Variants in MDGA2 observed in about 807,000 individuals in gnomAD.
MDGA2 encodes MAM domain containing glycosylphosphatidylinositol anchor 2.
Under a neutral mutation model 117.8 loss-of-function variants are expected in MDGA2, and 40 were observed. The ratio of observed to expected loss-of-function variants is 0.34; its 90% confidence interval spans 0.26 to 0.44. The LOEUF is 0.44. MDGA2 is among the 20% of genes least tolerant of loss of function. The pLI, the probability that MDGA2 is intolerant of heterozygous loss-of-function variation, is 1.00. For missense variants in MDGA2, 1,123 were observed against 1,250.6 expected, an observed-to-expected ratio of 0.90 and a Z score of 1.54; for synonymous variants, 452 against 439.0, an observed-to-expected ratio of 1.03 and a Z score of -0.37.
At chr14:46,877,100 C>G (rs1277090937) in intron 12 of MDGA2, among the ~76,000 whole-genome samples, 1 of 151,320 alleles carries the variant, frequency 6.6e-6, no homozygotes. Context: ...TTCTAAGTAA[C>G]CATACTCTTT....
chr14:47,242,870 C>G (rs1403728955), intron 2 of MDGA2, among the ~76,000 whole-genome samples: 1 of 151,778 alleles, frequency 6.6e-6, no homozygotes. Context: ...CCTGCAGCCC[C>G]GGTGTGGGAT....
In MDGA2 at chr14:47,035,295, T is replaced by C. The variant is rs202074840; in HGVS notation, c.1535A>G (p.Asn512Ser). The C allele has an allele frequency of 2.5e-6, 4 of 1,611,042 alleles. No individual in the cohort carries two copies. Among genetic ancestry groups the C allele is most frequent in the Admixed American group, 1.7e-5 (1 of 59,632 alleles). The change falls in exon 8 of 17, where the codon AAT becomes AGT. Residue 512 changes from asparagine to serine, a missense_variant. Asn to Ser is a conservative substitution (Grantham distance 46, BLOSUM62 1). Coordinates refer to ENST00000399232, the MANE Select transcript of MDGA2 (RefSeq NM_001113498.3). ...VNISSSTVPP[N>S]LTVPQEKSPL... ...TGATTTTTCCTGTGGAACAGTCAGA[T>C]TGGGTGGAACTTGAAATGGGAAAAA...
chr14:47,583,047 A>T (rs1467574144), intron 1 of MDGA2, among the ~76,000 whole-genome samples: 2 of 151,866 alleles, frequency 1.3e-5, no homozygotes, highest in Admixed American at 1.3e-4. Context: ...TATGATTTTG[A>T]TTCATAACTC....
At chr14:47,083,981 T>C (rs1890800949) in intron 6 of MDGA2, among the ~76,000 whole-genome samples, 1 of 152,140 alleles carries the variant, frequency 6.6e-6, no homozygotes, top group Admixed American at 6.6e-5. Flanking sequence ...CAATTATACT[T>C]GGAGACTTTG....
In MDGA2 at chr14:47,006,474, C is replaced by A. The variant is rs546040044; in HGVS notation, c.1819+28537G>T. On this transcript the variant is annotated intron_variant, in intron 8 of 16. Transcript: ENST00000399232. The stretch of plus-strand genomic sequence containing the variant: ...TATAATTTTAAAATATATAAAATAT[C>A]ATTAATAACATAAAGAGTGAACAGA... Among the ~76,000 whole-genome samples, 263 of 147,756 alleles carry A rather than the reference C, an allele frequency of 1.8e-3. 3 individuals are homozygous for A. The highest frequency in any genetic ancestry group is 6.2e-3 in the African/African-American group (251 of 40,770).
chr14:47,128,618 C>T (rs1882025283), intron 5 of MDGA2, among the ~76,000 whole-genome samples: 1 of 151,570 alleles, frequency 6.6e-6, no homozygotes, highest in African/African-American at 2.4e-5. Context: ...TTTTTTAAGT[C>T]AGATGAGATT....
chr14:47,380,537 A>C (rs1003724458), intron 1 of MDGA2, among the ~76,000 whole-genome samples: 2 of 152,102 alleles, frequency 1.3e-5, no homozygotes, highest in Non-Finnish European at 2.9e-5. Context: ...AGGGGATATC[A>C]CCACCGATCC....
In MDGA2 at chr14:46,841,604, G is replaced by A. The variant is rs182431647; in HGVS notation, c.*327C>T. ...TTGTGCTTTGACAAGGATTTCTATA[G>A]CTCTTTTTTTTTTCTTTTTTTCATT... On this transcript the variant is annotated 3_prime_UTR_variant, in exon 17 of 17. Transcript: ENST00000399232. 1.5e-3 allele frequency: 211 copies of A among 142,150 alleles called. 2 individuals are homozygous for A. In the East Asian group the frequency reaches 0.018, roughly 12 times the overall value. The allele number at this position is 142,150 out of a possible 1,614,324, so 8.8% of individuals were successfully genotyped here. A position where few individuals can be genotyped will look rare whatever the true frequency, so the allele number is the denominator to read the frequency against.
chr14:47,073,793 G>A (rs8012618), intron 6 of MDGA2, among the ~76,000 whole-genome samples: 11,212 of 152,168 alleles, frequency 0.074, 605 homozygotes, highest in East Asian at 0.31. Flanking sequence ...ATAGGAATTC[G>A]TACTGTGCCA....
At chr14:47,335,745 T>TATATATATATACATACATACATAC in intron 1 of MDGA2, among the ~76,000 whole-genome samples, 1 of 95,558 alleles carries the variant, frequency 1.0e-5, no homozygotes, top group Non-Finnish European at 2.2e-5. Context: ...TATATATATA[T>TATATATATATACATACATACATAC]ATACATACAT....
At chr14:47,096,130 C>A (rs945682621) in intron 6 of MDGA2, among the ~76,000 whole-genome samples, 2 of 152,018 alleles carry the variant, frequency 1.3e-5, no homozygotes, top group Admixed American at 6.6e-5. Flanking sequence ...GCTACTTTGA[C>A]TTAGTGACTT....
chr14:47,017,221 T>C (rs1269965945), intron 8 of MDGA2, among the ~76,000 whole-genome samples: 1 of 151,298 alleles, frequency 6.6e-6, no homozygotes, highest in Non-Finnish European at 1.5e-5. Flanking sequence ...GGTTTTATTT[T>C]AGATCTAGAA....
At chr14:46,901,684 A>C (rs1041751023) in intron 10 of MDGA2, among the ~76,000 whole-genome samples, 2 of 152,194 alleles carry the variant, frequency 1.3e-5, no homozygotes, top group Non-Finnish European at 2.9e-5. Flanking sequence ...ATTAACCTGT[A>C]ATGCTCTCCA....
At chr14:47,512,187 G>A (rs943370242) in intron 1 of MDGA2, among the ~76,000 whole-genome samples, 11 of 152,134 alleles carry the variant, frequency 7.2e-5, no homozygotes, top group Admixed American at 5.9e-4. Context: ...TGGCATATGT[G>A]GACACATAAA....
intron 1 of MDGA2, among the ~76,000 whole-genome samples, chr14:47,557,552 G>A (rs1321030805): frequency 6.6e-6 from 1 of 152,146 alleles, no homozygotes; most frequent in African/African-American, 2.4e-5. Flanking sequence ...CATCTGGTAG[G>A]AAAGGGAGGG....
At chr14:47,532,486 A>T (rs1248374437) in intron 1 of MDGA2, among the ~76,000 whole-genome samples, 1 of 152,176 alleles carries the variant, frequency 6.6e-6, no homozygotes, top group Non-Finnish European at 1.5e-5. Flanking sequence ...ATAGTTACCC[A>T]TAGGGCCATA....
At chr14:47,187,908 T>C (rs899751663) in intron 3 of MDGA2, among the ~76,000 whole-genome samples, 4 of 151,458 alleles carry the variant, frequency 2.6e-5, no homozygotes, top group African/African-American at 7.3e-5. Context: ...GTTTTATTAT[T>C]AAAGTAGGTT....
At chr14:47,532,548 T>C (rs547030502) in intron 1 of MDGA2, among the ~76,000 whole-genome samples, 24 of 152,310 alleles carry the variant, frequency 1.6e-4, no homozygotes, top group South Asian at 4.1e-4. Context: ...CAGGGACCAA[T>C]AGAGCAAATC....
chr14:47,627,252 C>A (rs1215599819), intron 1 of MDGA2, among the ~76,000 whole-genome samples: 1 of 151,282 alleles, frequency 6.6e-6, no homozygotes, highest in African/African-American at 2.4e-5. Flanking sequence ...TCTAGTTAAT[C>A]TGGTGGGGAC....
Sources: allele counts gnomAD v4.1 joint callset (sites outside exome capture counted in the v4.1 genomes callset), GRCh38; gene constraint gnomAD v4.1.1; transcripts MANE v1.5; gene names NCBI Gene and HGNC (gene_info 2026-07-23, HGNC 2026-07-21).